Variants in TMEM131L observed in about 807,000 individuals in gnomAD.
TMEM131L encodes the protein transmembrane 131 like, also known as transmembrane protein 131-like.
A neutral mutation model predicts 192.2 loss-of-function variants in TMEM131L; 54 were observed. That is an observed-to-expected ratio of 0.28 (90% confidence interval 0.23 to 0.35). The LOEUF is 0.35. TMEM131L is among the 10% of genes least tolerant of loss of function. The pLI is 1.00. For synonymous variants in TMEM131L, 701 were observed against 704.9 expected, an observed-to-expected ratio of 0.99 and a Z score of 0.09; for missense variants, 1,888 against 1,972.9, an observed-to-expected ratio of 0.96 and a Z score of 0.82.
In TMEM131L at chr4:153,596,296, CTT is replaced by C; in HGVS notation, c.2035_2036del (p.Leu679ThrfsTer18). The C allele has an allele frequency of 6.2e-7, 1 of 1,614,002 alleles. No individual in the cohort carries two copies. Among genetic ancestry groups the C allele is most frequent in the Non-Finnish European group, 8.5e-7 (1 of 1,179,876 alleles). ...AGGAATCCAGGTTTGGCATCCTCCACTTACATCTGCAGCCTTTGGAAATGAAA... is the reference window on the plus strand; with the variant it reads ...AGGAATCCAGGTTTGGCATCCTCCACACATCTGCAGCCTTTGGAAATGAAA... ...SEESRFGILH[L>X]HLQPLEMKRV... On this transcript the variant is annotated frameshift_variant, in exon 20 of 35. Coordinates refer to ENST00000409959, the MANE Select transcript of TMEM131L (RefSeq NM_001131007.2). LOFTEE classifies it high-confidence loss of function.
chr4:153,621,345 G>T (rs982397152), intron 27 of TMEM131L, among the ~76,000 whole-genome samples: 2 of 152,274 alleles, frequency 1.3e-5, no homozygotes, highest in Non-Finnish European at 2.9e-5. Flanking sequence ...CTTCAGTCCT[G>T]CAGAAGGTAG....
intron 3 of TMEM131L, among the ~76,000 whole-genome samples, chr4:153,506,858 AAAAG>A (rs1310649298): frequency 3.3e-5 from 5 of 151,718 alleles, no homozygotes; most frequent in African/African-American, 9.7e-5. Flanking sequence ...AAAAAAAAAA[AAAAG>A]AAGAAAGAAA....
intron 25 of TMEM131L, among the ~76,000 whole-genome samples, chr4:153,605,258 C>T (rs939207544): frequency 6.6e-6 from 1 of 152,184 alleles, no homozygotes; most frequent in Non-Finnish European, 1.5e-5. Flanking sequence ...TGTCATTATC[C>T]TTTAATAGAT....
chr4:153,603,209 T>C (rs1731969144), intron 23 of TMEM131L, 94 bp from the exon 24 acceptor site: 3 of 1,056,450 alleles, frequency 2.8e-6, no homozygotes, highest in Admixed American at 5.5e-5. Context: ...CAGATGTTTT[T>C]CGTAAATCAT....
At chr4:153,582,420 G>GTTTTTTTTTTTTTTTTTTTTTTTT (rs1216119441) in intron 9 of TMEM131L, among the ~76,000 whole-genome samples, 1 of 81,830 alleles carries the variant, frequency 1.2e-5, no homozygotes. Flanking sequence ...AATTTAAACC[G>GTTTTTTTTTTTTTTTTTTTTTTTT]TTTTTTTTTG....
At chr4:153,557,148 A>C in intron 6 of TMEM131L, 66 bp downstream of exon 6, 1 of 736,612 alleles carries the variant, frequency 1.4e-6, no homozygotes, top group Non-Finnish European at 2.4e-6. Context: ...GTGTGTGTAT[A>C]TTTTTAAAAA....
intron 17 of TMEM131L, 72 bp downstream of exon 17, chr4:153,591,266 G>T: frequency 7.1e-7 from 1 of 1,403,640 alleles, no homozygotes; most frequent in East Asian, 2.6e-5. Flanking sequence ...GTACCAGATT[G>T]TGTCCACCTT....
chr4:153,513,814 A>T (rs1734524406), intron 3 of TMEM131L, among the ~76,000 whole-genome samples: 1 of 152,068 alleles, frequency 6.6e-6, no homozygotes. Context: ...CCTCTTTATG[A>T]CCCTCTCTAT....
chr4:153,482,061 G>C (rs1731983751), intron 3 of TMEM131L, among the ~76,000 whole-genome samples: 1 of 151,804 alleles, frequency 6.6e-6, no homozygotes, highest in African/African-American at 2.4e-5. Flanking sequence ...TGGATAAATG[G>C]TCTTGATCTC....
At position 153,467,250 on chromosome 4, in the gene TMEM131L, CAGA is replaced by C. The variant is rs1189991921; in HGVS notation, c.170_172del (p.Glu57del). 2.3e-5 allele frequency: 36 copies of C among 1,551,578 alleles called. No homozygotes were observed. The highest frequency in any genetic ancestry group is 2.9e-5 in the Non-Finnish European group (33 of 1,146,976). On this transcript the variant is annotated inframe_deletion, in exon 2 of 35. Coordinates refer to ENST00000409959, the MANE Select transcript of TMEM131L (RefSeq NM_001131007.2). ...CCGAACGTGGTGGAGCTGTGGCAGG[CAGA>C]AGAAGGGGAACTCCTGCTGCCCACT...
intron 3 of TMEM131L, 117 bp downstream of exon 3, chr4:153,474,005 C>A: frequency 1.7e-6 from 1 of 596,008 alleles, no homozygotes; most frequent in Non-Finnish European, 2.9e-6. Context: ...TGTAATACAC[C>A]TTTCTCTTTG....
intron 2 of TMEM131L, among the ~76,000 whole-genome samples, chr4:153,468,397 C>T (rs2149700303): frequency 6.6e-6 from 1 of 152,228 alleles, no homozygotes; most frequent in East Asian, 1.9e-4. Flanking sequence ...GGATGAGGAG[C>T]AGATAGTTTT....
intron 3 of TMEM131L, among the ~76,000 whole-genome samples, chr4:153,483,496 A>G (rs1182085183): frequency 1.3e-5 from 2 of 152,104 alleles, no homozygotes; most frequent in Non-Finnish European, 2.9e-5. Flanking sequence ...CAGGAGTTCG[A>G]TAGCAGCGTG....
Position 153,583,724 on chromosome 4 carries a change from G to C in TMEM131L, c.1060+52G>C, listed in dbSNP as rs748655866. The stretch of plus-strand genomic sequence containing the variant: ...TTGACTTTTGTTATCTGGTTGTCAT[G>C]ATGGCAACTCTTTCTACAACTACAG... On this transcript the variant is annotated intron_variant, in intron 11 of 34. Transcript: ENST00000409959. 7 of 1,025,150 alleles carry C rather than the reference G, an allele frequency of 6.8e-6. No homozygotes were observed. In the Admixed American group the frequency reaches 1.1e-4, roughly 15 times the overall value. 63.5% of individuals were successfully genotyped at this position (1,025,150 alleles called of 1,614,324 possible). A position where few individuals can be genotyped will look rare whatever the true frequency, so the allele number is the denominator to read the frequency against.
At chr4:153,584,349 A>G (rs1280280063) in intron 11 of TMEM131L, among the ~76,000 whole-genome samples, 1 of 152,198 alleles carries the variant, frequency 6.6e-6, no homozygotes. Flanking sequence ...TTAGTGTTTG[A>G]ATTTTTAAAA....
chr4:153,624,940 G>A (rs1446195288), intron 29 of TMEM131L, among the ~76,000 whole-genome samples: 1 of 152,198 alleles, frequency 6.6e-6, no homozygotes, highest in Non-Finnish European at 1.5e-5. Context: ...CCACGTGTAC[G>A]CGATTCCACT....
chr4:153,605,366 A>T (rs1578850907), intron 25 of TMEM131L, among the ~76,000 whole-genome samples: 1 of 152,104 alleles, frequency 6.6e-6, no homozygotes, highest in East Asian at 1.9e-4. Context: ...TGTTATAGTC[A>T]GATTTGTTTT....
chr4:153,562,803 ACT>A (rs949173810), intron 7 of TMEM131L, among the ~76,000 whole-genome samples: 98 of 152,352 alleles, frequency 6.4e-4, no homozygotes, highest in African/African-American at 2.2e-3. Flanking sequence ...AGAGAAAATA[ACT>A]CTGTTTGGTT....
intron 7 of TMEM131L, among the ~76,000 whole-genome samples, chr4:153,564,263 T>C (rs1479880721): frequency 8.8e-6 from 1 of 114,016 alleles, no homozygotes; most frequent in Non-Finnish European, 1.6e-5. Context: ...CACTCCAGCC[T>C]GGGAGACGAG....
Sources: allele counts gnomAD v4.1 joint callset (sites outside exome capture counted in the v4.1 genomes callset), GRCh38; gene constraint gnomAD v4.1.1; transcripts MANE v1.5; gene names NCBI Gene and HGNC (gene_info 2026-07-23, HGNC 2026-07-21).